DHRS3: variants seen among roughly 807,000 people sequenced by gnomAD.
The protein encoded by DHRS3 is short-chain dehydrogenase/reductase 3.
In DHRS3, 14 loss-of-function variants were observed where a neutral mutation model predicts 27.2. The observed-to-expected ratio is 0.52, with a 90% CI of 0.34 to 0.81. The LOEUF is 0.81. DHRS3 is among the 30% of genes least tolerant of loss of function. The pLI, the probability that DHRS3 is intolerant of heterozygous loss-of-function variation, is 0.01. For missense variants in DHRS3, 322 were observed against 406.2 expected (o/e 0.79, Z 1.78); for synonymous variants, 165 against 175.9 (o/e 0.94, Z 0.49).
At chr1:12,572,021 G>A (rs1003114614) in intron 5 of DHRS3, among the ~76,000 whole-genome samples, 3 of 152,044 alleles carry the variant, frequency 2.0e-5, no homozygotes, top group Non-Finnish European at 4.4e-5. Context: ...GTAGAACAAT[G>A]CCACTCCTGA....
chr1:12,595,238 T>C (rs1246294373), intron 1 of DHRS3, among the ~76,000 whole-genome samples: 1 of 152,098 alleles, frequency 6.6e-6, no homozygotes, highest in African/African-American at 2.4e-5. Flanking sequence ...GTCCCAACCC[T>C]GGCCCTGACA....
intron 1 of DHRS3, among the ~76,000 whole-genome samples, chr1:12,603,712 C>T (rs909081249): frequency 2.0e-5 from 3 of 152,182 alleles, no homozygotes; most frequent in East Asian, 1.9e-4. Context: ...GATCATCATA[C>T]GCTTCACTCA....
chr1:12,617,580 G>A lies in DHRS3; in HGVS notation c.-232C>T, dbSNP rs1054528023. 10 of 402,146 alleles carry A rather than the reference G, an allele frequency of 2.5e-5. No homozygotes were observed. Among genetic ancestry groups the A allele is most frequent in the African/African-American group, 1.7e-4 (8 of 47,014 alleles). The allele number at this position is 402,146 out of a possible 1,614,324, so 24.9% of individuals were successfully genotyped here. A position where few individuals can be genotyped will look rare whatever the true frequency, so the allele number is the denominator to read the frequency against. ...TGGGGGAGAAAAAGCGTCTCCTAAG[G>A]TTGGGACGGTAAAAGAGGTGGAGGG... On this transcript the variant is annotated 5_prime_UTR_variant, in exon 1 of 6. Coordinates refer to ENST00000616661, the MANE Select transcript of DHRS3 (RefSeq NM_004753.7).
At position 12,578,177 on chromosome 1, in the gene DHRS3, G is replaced by A. The variant is rs12074347; in HGVS notation, c.698+541C>T. Among the ~76,000 whole-genome samples, 13,192 of 152,182 alleles carry A rather than the reference G, an allele frequency of 0.087. 1,010 individuals are homozygous for A. Among genetic ancestry groups the A allele is most frequent in the African/African-American group, 0.2 (8,201 of 41,510 alleles). On this transcript the variant is annotated intron_variant, in intron 4 of 5. Coordinates refer to ENST00000616661, the MANE Select transcript of DHRS3 (RefSeq NM_004753.7). This position sits in a 1 kb window ranked among gnomAD's most constrained non-coding sequence, Gnocchi z 4.5. Reference sequence around the variant, plus strand: ...CTCATTTGACCTTTAGACACATCCCGCTGCATGCCTGTAGCTCTGGTAGTT... The same window carrying A: ...CTCATTTGACCTTTAGACACATCCCACTGCATGCCTGTAGCTCTGGTAGTT...
chr1:12,598,251 G>T lies in DHRS3; in HGVS notation c.196-17585C>A, dbSNP rs543607263. On this transcript the variant is annotated intron_variant, in intron 1 of 5. Transcript: ENST00000616661. The stretch of plus-strand genomic sequence containing the variant: ...AAAAATACAAAAGTTAGCCAGGCAT[G>T]GTGGTGCGCGCCTGTAGTCCCGGCC... Among the ~76,000 whole-genome samples, 58 of 152,244 alleles carry T rather than the reference G, an allele frequency of 3.8e-4. No homozygotes were observed. The South Asian group carries it at 0.012, about 31-fold the overall frequency.
Position 12,594,714 on chromosome 1 carries a change from C to T in DHRS3, c.196-14048G>A, listed in dbSNP as rs1008540839. Among the ~76,000 whole-genome samples the T allele has an allele frequency of 4.6e-5, 7 of 152,074 alleles. No homozygotes were observed. The highest frequency in any genetic ancestry group is 1.4e-4 in the African/African-American group (6 of 41,394). On this transcript the variant is annotated intron_variant, in intron 1 of 5. Coordinates refer to ENST00000616661, the MANE Select transcript of DHRS3 (RefSeq NM_004753.7). This position sits in a 1 kb window ranked among gnomAD's most constrained non-coding sequence, Gnocchi z 4.1. Reference sequence around the variant, plus strand: ...GGGGTGGGAATGAGCTTCCCCAGCACGGAGACCAGTGTGGAAGAGCAAGCG... The same window carrying T: ...GGGGTGGGAATGAGCTTCCCCAGCATGGAGACCAGTGTGGAAGAGCAAGCG...
At chr1:12,570,850 GC>G (rs1646529874) in intron 5 of DHRS3, among the ~76,000 whole-genome samples, 1 of 152,218 alleles carries the variant, frequency 6.6e-6, no homozygotes, top group Admixed American at 6.5e-5. Context: ...GCCCCTGGGT[GC>G]CCCCTTCCCT....
At chr1:12,600,240 A>ACACACACAC (rs1570392454) in intron 1 of DHRS3, 1 of 350,378 alleles carries the variant, frequency 2.9e-6, no homozygotes, top group African/African-American at 2.2e-5. Context: ...CACACACACA[A>ACACACACAC]TCACACAAAC....
rs1383200791 is a variant in DHRS3 at position 12,578,617 on chromosome 1, C to A, written c.698+101G>T. On this transcript the variant is annotated intron_variant, in intron 4 of 5. Coordinates refer to ENST00000616661, the MANE Select transcript of DHRS3 (RefSeq NM_004753.7). This position sits in a 1 kb window ranked among gnomAD's most constrained non-coding sequence, Gnocchi z 4.5. ...TATAGGTATGAGGCACCGTGCCTAGCCCGATTTTTATATCAGAGCTCTTTC... is the reference window on the plus strand; with the variant it reads ...TATAGGTATGAGGCACCGTGCCTAGACCGATTTTTATATCAGAGCTCTTTC... 4.0e-6 allele frequency: 5 copies of A among 1,253,402 alleles called. No individual in the cohort carries two copies. The highest frequency in any genetic ancestry group is 1.3e-5 in the South Asian group (1 of 76,116). 77.6% of individuals were successfully genotyped at this position (1,253,402 alleles called of 1,614,324 possible).
At position 12,617,200 on chromosome 1, in the gene DHRS3, A is replaced by G; in HGVS notation, c.149T>C (p.Ile50Thr). Reference protein sequence around the residue: ...NVLITGGGRGIGRQLAREFAE... With the variant: ...NVLITGGGRGTGRQLAREFAE... ...GAACTCGCGGGCGAGCTGACGCCCG[A>G]TGCCTCTCCCGCCGCCGGTGATGAG... The change falls in exon 1 of 6, where the codon ATC (isoleucine) becomes ACC (threonine). Residue 50 changes from isoleucine to threonine, a missense_variant. Coordinates refer to ENST00000616661, the MANE Select transcript of DHRS3 (RefSeq NM_004753.7). 1 of 1,613,178 alleles carries G rather than the reference A, an allele frequency of 6.2e-7. No individual in the cohort carries two copies.
chr1:12,577,880 G>T (rs536017008), intron 4 of DHRS3, among the ~76,000 whole-genome samples: 10 of 152,216 alleles, frequency 6.6e-5, no homozygotes, highest in African/African-American at 1.9e-4. Flanking sequence ...TATAACAAAA[G>T]GTATACATCT....
In DHRS3 at chr1:12,592,008, C is replaced by A. The variant is rs1646750855; in HGVS notation, c.196-11342G>T. Among the ~76,000 whole-genome samples, 1 of 152,104 alleles carries A rather than the reference C, an allele frequency of 6.6e-6. No homozygotes were observed. Among genetic ancestry groups the A allele is most frequent in the South Asian group, 2.1e-4 (1 of 4,822 alleles). On this transcript the variant is annotated intron_variant, in intron 1 of 5. Transcript: ENST00000616661. The surrounding 1 kb of genome is among the most constrained non-coding windows in gnomAD (Gnocchi z 4.2). ...CTCTGATGGGGCTCAGGTGGGAGGA[C>A]AGGTGAGGACAGAAGCTGTTCTGAG...
rs939049040 is a variant in DHRS3, at chr1:12,584,993, G to A, written c.196-4327C>T. Among the ~76,000 whole-genome samples the A allele has an allele frequency of 2.6e-5, 4 of 151,698 alleles. No individual in the cohort carries two copies. The East Asian group carries it at 7.7e-4, about 29-fold the overall frequency. The stretch of plus-strand genomic sequence containing the variant: ...TCTCTGTATGAGTGTATGTGTCTGT[G>A]GGTGTGTGTCTGTGTGCATCTCTGT... On this transcript the variant is annotated intron_variant, in intron 1 of 5. Transcript: ENST00000616661.
chr1:12,572,920 G>T, intron 4 of DHRS3, 67 bp from the exon 5 acceptor site: 1 of 1,494,354 alleles, frequency 6.7e-7, no homozygotes, highest in Non-Finnish European at 8.9e-7. Flanking sequence ...AAGTCTTTAT[G>T]AGGCTGACAT....
chr1:12,617,118 C>T (rs1288815187), intron 1 of DHRS3, 36 bp downstream of exon 1: 2 of 1,584,284 alleles, frequency 1.3e-6, no homozygotes, highest in Non-Finnish European at 1.7e-6. Flanking sequence ...CCCGCCCCTG[C>T]GGCCCCCCAC....
At chr1:12,588,009 G>A (rs535486474) in intron 1 of DHRS3, among the ~76,000 whole-genome samples, 69 of 152,352 alleles carry the variant, frequency 4.5e-4, no homozygotes, top group African/African-American at 1.5e-3. Context: ...CAGTGCTCTT[G>A]GCCCTGCATG....
intron 1 of DHRS3, among the ~76,000 whole-genome samples, chr1:12,602,602 C>T (rs781361850): frequency 5.9e-5 from 9 of 152,184 alleles, no homozygotes; most frequent in African/African-American, 1.4e-4. Flanking sequence ...GGGTATCCAC[C>T]GCCCCCCACC....
intron 1 of DHRS3, among the ~76,000 whole-genome samples, chr1:12,614,792 A>T (rs563805219): frequency 1.5e-3 from 228 of 147,582 alleles, no homozygotes; most frequent in African/African-American, 5.0e-3. Context: ...TCTCAGATGC[A>T]GCCACCAGAA....
At chr1:12,609,366 T>A (rs189678828) in intron 1 of DHRS3, among the ~76,000 whole-genome samples, 3 of 152,292 alleles carry the variant, frequency 2.0e-5, no homozygotes, top group African/African-American at 7.2e-5. Context: ...AAGATCAGGA[T>A]CTGGCTGGGA....
Sources: allele counts gnomAD v4.1 joint callset (sites outside exome capture counted in the v4.1 genomes callset), GRCh38; gene constraint gnomAD v4.1.1; non-coding constraint Gnocchi (gnomAD v3.1); transcripts MANE v1.5; gene names NCBI Gene and HGNC (gene_info 2026-07-23, HGNC 2026-07-21).